The following KAZN variants were observed in gnomAD, a reference collection of about 807,000 sequenced individuals.
KAZN encodes kazrin.
Under a neutral mutation model 87.4 loss-of-function variants are expected in KAZN, and 40 were observed. That is an observed-to-expected ratio of 0.46 (90% CI 0.36 to 0.60). KAZN has a LOEUF of 0.60. Ranked by LOEUF, KAZN falls within the 20% of genes least tolerant of loss-of-function variation. The pLI, the probability that KAZN is intolerant of heterozygous loss-of-function variation, is 0.00. For missense variants in KAZN, 898 were observed against 1,073.9 expected (o/e 0.84, Z 2.29); for synonymous variants, 466 against 458.3 (o/e 1.02, Z -0.22).
rs74057866 is a variant in KAZN at position 14,562,547 on chromosome 1, G to A, written c.250-36436G>A. ...TAGTTCTGAAATCCTCTGATTCCCT[G>A]GCTGACTTTTCTTCTGTGAGGTTTT... On this transcript the variant is annotated intron_variant, in intron 2 of 16. Transcript: ENST00000636203. Among the ~76,000 whole-genome samples, 1,489 of 152,246 alleles carry A rather than the reference G, an allele frequency of 9.8e-3. 18 individuals are homozygous for A. The highest frequency in any genetic ancestry group is 0.031 in the African/African-American group (1,276 of 41,528).
At chr1:14,928,205 C>A (rs1659381110) in intron 1 of KAZN, among the ~76,000 whole-genome samples, 1 of 152,108 alleles carries the variant, frequency 6.6e-6, no homozygotes, top group African/African-American at 2.4e-5. Flanking sequence ...AATCCCAGCA[C>A]TTTGGGAGGC....
chr1:13,994,360 A>G (rs1408599512), intron 1 of KAZN, among the ~76,000 whole-genome samples: 1 of 152,246 alleles, frequency 6.6e-6, no homozygotes, highest in Admixed American at 6.5e-5. Flanking sequence ...ACATTCATCA[A>G]AAGTTGACTC....
intron 1 of KAZN, among the ~76,000 whole-genome samples, chr1:14,836,223 G>A (rs970013671): frequency 6.6e-6 from 1 of 152,218 alleles, no homozygotes; most frequent in Non-Finnish European, 1.5e-5. Context: ...GCAGGACAGA[G>A]AGAGGGTGGA....
intron 1 of KAZN, among the ~76,000 whole-genome samples, chr1:14,887,297 A>G (rs1410176124): frequency 6.6e-6 from 1 of 152,230 alleles, no homozygotes; most frequent in African/African-American, 2.4e-5. Context: ...AAGCAAAGAC[A>G]TGGCTAGCTG....
chr1:14,269,017 C>T (rs1444921797), intron 2 of KAZN, among the ~76,000 whole-genome samples: 5 of 152,190 alleles, frequency 3.3e-5, no homozygotes, highest in African/African-American at 9.6e-5. Context: ...GCTACCGGAG[C>T]TAACTCTGCC....
intron 1 of KAZN, among the ~76,000 whole-genome samples, chr1:13,927,073 G>A (rs1450130148): frequency 6.6e-6 from 1 of 152,188 alleles, no homozygotes; most frequent in Non-Finnish European, 1.5e-5. Flanking sequence ...AAAAAGAGAT[G>A]TCACATTTTC....
At chr1:14,441,589 G>A (rs748445422) in intron 2 of KAZN, among the ~76,000 whole-genome samples, 9 of 152,156 alleles carry the variant, frequency 5.9e-5, no homozygotes, top group African/African-American at 1.2e-4. Context: ...CATCAGATAC[G>A]TTTGGATTTT....
intron 1 of KAZN, among the ~76,000 whole-genome samples, chr1:14,855,528 G>A (rs1331923177): frequency 6.6e-6 from 1 of 152,222 alleles, no homozygotes; most frequent in African/African-American, 2.4e-5. Context: ...CTTGCAATGA[G>A]ATGGGTCGGG....
At chr1:14,509,988 G>T (rs1670813784) in intron 2 of KAZN, among the ~76,000 whole-genome samples, 1 of 146,910 alleles carries the variant, frequency 6.8e-6, no homozygotes, top group African/African-American at 2.4e-5. Context: ...AGTATTGAAG[G>T]CCAGTGTTGC....
At chr1:14,166,905 G>A (rs1356158752) in intron 1 of KAZN, among the ~76,000 whole-genome samples, 1 of 152,186 alleles carries the variant, frequency 6.6e-6, no homozygotes, top group Non-Finnish European at 1.5e-5. Context: ...AATGAGTGAG[G>A]TTTTAGCTTT....
intron 2 of KAZN, among the ~76,000 whole-genome samples, chr1:14,213,741 G>A (rs202153364): frequency 6.6e-6 from 1 of 152,280 alleles, no homozygotes; most frequent in Non-Finnish European, 1.5e-5. Flanking sequence ...GACTATGTTG[G>A]GGGGAGACTA....
intron 2 of KAZN, among the ~76,000 whole-genome samples, chr1:14,338,354 G>A (rs1366816480): frequency 6.6e-6 from 1 of 151,888 alleles, no homozygotes; most frequent in Non-Finnish European, 1.5e-5. Context: ...GCACGGCAGT[G>A]TGCACCTGTA....
intron 2 of KAZN, among the ~76,000 whole-genome samples, chr1:14,462,845 C>A (rs1667926595): frequency 6.6e-6 from 1 of 152,144 alleles, no homozygotes; most frequent in African/African-American, 2.4e-5. Context: ...CTCCTGCAGG[C>A]TCCCTCCCAT....
At chr1:14,159,380 G>A (rs1557524180) in intron 1 of KAZN, among the ~76,000 whole-genome samples, 1 of 152,120 alleles carries the variant, frequency 6.6e-6, no homozygotes, top group Admixed American at 6.5e-5. Flanking sequence ...TTATTCTGTG[G>A]CTACCATCAC....
chr1:14,146,305 C>T (rs1430861371), intron 1 of KAZN, among the ~76,000 whole-genome samples: 1 of 151,732 alleles, frequency 6.6e-6, no homozygotes, highest in African/African-American at 2.4e-5. Flanking sequence ...GAGGCCGAGG[C>T]AGGTGGATCG....
chr1:14,768,112 C>T (rs1049408062), intron 1 of KAZN, among the ~76,000 whole-genome samples: 2 of 152,184 alleles, frequency 1.3e-5, no homozygotes, highest in Non-Finnish European at 2.9e-5. Flanking sequence ...CCAAGATCAA[C>T]TCTCACTACG....
intron 1 of KAZN, among the ~76,000 whole-genome samples, chr1:14,150,153 G>A (rs912041953): frequency 1.3e-5 from 2 of 152,152 alleles, no homozygotes; most frequent in Admixed American, 6.5e-5. Context: ...TCCCAGAGAC[G>A]AAGGACTTGC....
At chr1:14,502,903 T>A (rs1373254625) in intron 2 of KAZN, among the ~76,000 whole-genome samples, 1 of 152,198 alleles carries the variant, frequency 6.6e-6, no homozygotes, top group Non-Finnish European at 1.5e-5. Context: ...ACACAGTTAA[T>A]GAGTTGACAG....
intron 2 of KAZN, among the ~76,000 whole-genome samples, chr1:14,304,833 A>G (rs991147824): frequency 3.3e-5 from 5 of 152,184 alleles, no homozygotes; most frequent in Non-Finnish European, 7.3e-5. Flanking sequence ...GGAACTCATA[A>G]CAGAGATGTC....
Sources: gnomAD v4.1 joint callset for allele counts (sites outside exome capture counted in the v4.1 genomes callset) on GRCh38, gnomAD v4.1.1 for gene constraint, MANE v1.5 for transcripts, NCBI Gene and HGNC (gene_info 2026-07-23, HGNC 2026-07-21) for gene names.